The following SLC35F1 variants were observed in gnomAD, a reference collection of about 807,000 sequenced individuals.
SLC35F1 encodes chromosome 6 open reading frame 169.
Under a neutral mutation model 48.7 loss-of-function variants are expected in SLC35F1, and 14 were observed. That is an observed-to-expected ratio of 0.29 (90% confidence interval 0.19 to 0.45). The LOEUF (loss-of-function observed/expected upper bound fraction) is 0.45. Ranked by LOEUF, SLC35F1 falls within the 20% of genes least tolerant of loss-of-function variation. SLC35F1 has a pLI of 1.00. For missense variants in SLC35F1, 404 were observed against 500.0 expected, an observed-to-expected ratio of 0.81 and a Z score of 1.83; for synonymous variants, 190 against 202.2, an observed-to-expected ratio of 0.94 and a Z score of 0.51.
At chr6:118,032,034 A>C (rs1772061922) in intron 1 of SLC35F1, among the ~76,000 whole-genome samples, 1 of 152,192 alleles carries the variant, frequency 6.6e-6, no homozygotes, top group African/African-American at 2.4e-5. Flanking sequence ...TAAACAAAGC[A>C]TGAAGTTCTT....
At chr6:117,984,448 G>A (rs977039390) in intron 1 of SLC35F1, among the ~76,000 whole-genome samples, 4 of 146,864 alleles carry the variant, frequency 2.7e-5, no homozygotes, top group South Asian at 2.1e-4. Context: ...GTAGTGAGCC[G>A]AGATTGCGCC....
intron 1 of SLC35F1, among the ~76,000 whole-genome samples, chr6:117,959,310 G>A (rs542789372): frequency 6.6e-6 from 1 of 152,304 alleles, no homozygotes; most frequent in Non-Finnish European, 1.5e-5. Flanking sequence ...GACTGAGGCA[G>A]CCTCCTAGTT....
intron 1 of SLC35F1, among the ~76,000 whole-genome samples, chr6:117,998,140 A>G (rs1409314853): frequency 6.7e-6 from 1 of 150,136 alleles, no homozygotes; most frequent in Non-Finnish European, 1.5e-5. Flanking sequence ...CTCTGATAAA[A>G]CAGACTTTAA....
chr6:118,018,071 A>G (rs1272141349), intron 1 of SLC35F1, among the ~76,000 whole-genome samples: 2 of 152,152 alleles, frequency 1.3e-5, no homozygotes, highest in Non-Finnish European at 2.9e-5. Flanking sequence ...GTCTCTTACC[A>G]CTTAAAAATG....
chr6:118,253,012 A>G (rs771192741), intron 3 of SLC35F1, among the ~76,000 whole-genome samples: 2 of 152,150 alleles, frequency 1.3e-5, no homozygotes. Flanking sequence ...GCACATTCAC[A>G]TTAGATAAGT....
chr6:118,241,416 T>G (rs1305602207), intron 3 of SLC35F1, among the ~76,000 whole-genome samples: 1 of 152,204 alleles, frequency 6.6e-6, no homozygotes, highest in Non-Finnish European at 1.5e-5. Context: ...GTATATATAT[T>G]GCTGCAATTT....
chr6:118,239,713 C>T (rs765326740), intron 3 of SLC35F1, among the ~76,000 whole-genome samples: 1 of 151,944 alleles, frequency 6.6e-6, no homozygotes, highest in Non-Finnish European at 1.5e-5. Context: ...CATTTGACAC[C>T]CTATTTAATG....
intron 1 of SLC35F1, among the ~76,000 whole-genome samples, chr6:117,982,343 A>G (rs769794689): frequency 1.3e-5 from 2 of 152,200 alleles, no homozygotes; most frequent in Non-Finnish European, 2.9e-5. Context: ...ATGAAAGGAG[A>G]CCAAGAAGTC....
At chr6:118,199,712 C>A (rs961496643) in intron 2 of SLC35F1, among the ~76,000 whole-genome samples, 2 of 152,102 alleles carry the variant, frequency 1.3e-5, no homozygotes, top group African/African-American at 4.8e-5. Flanking sequence ...ATAATCAATG[C>A]ATTTCACCAG....
At chr6:118,256,630 T>A (rs767420088) in intron 3 of SLC35F1, among the ~76,000 whole-genome samples, 1 of 152,164 alleles carries the variant, frequency 6.6e-6, no homozygotes, top group Non-Finnish European at 1.5e-5. Flanking sequence ...AACCATCAGC[T>A]TCCCTTGAAA....
Position 118,087,064 on chromosome 6 carries a change from T to C in SLC35F1, c.174-67381T>C, listed in dbSNP as rs1582658600. Among the ~76,000 whole-genome samples, 9 of 152,312 alleles carry C rather than the reference T, an allele frequency of 5.9e-5. 1 individual carries two copies. In the South Asian group the frequency reaches 1.9e-3, roughly 32 times the overall value. Reference sequence around the variant, plus strand: ...GCTGGGGCCCTGTATTGCCTTGTTATGCTGCCCTAACAGCATGCCACAGAC... The same window carrying C: ...GCTGGGGCCCTGTATTGCCTTGTTACGCTGCCCTAACAGCATGCCACAGAC... On this transcript the variant is annotated intron_variant, in intron 1 of 7. Coordinates refer to ENST00000360388, the MANE Select transcript of SLC35F1 (RefSeq NM_001029858.4).
At chr6:117,950,815 A>C (rs2114827160) in intron 1 of SLC35F1, among the ~76,000 whole-genome samples, 1 of 152,348 alleles carries the variant, frequency 6.6e-6, no homozygotes, top group East Asian at 1.9e-4. Context: ...TGGAATTATA[A>C]TTCCTTAAAT....
At chr6:118,200,942 A>T (rs1369131915) in intron 2 of SLC35F1, among the ~76,000 whole-genome samples, 1 of 151,974 alleles carries the variant, frequency 6.6e-6, no homozygotes, top group Non-Finnish European at 1.5e-5. Context: ...CTGGAGTGCA[A>T]TGACGTGACG....
intron 1 of SLC35F1, among the ~76,000 whole-genome samples, chr6:117,969,801 A>C (rs978406245): frequency 2.8e-4 from 43 of 152,326 alleles, no homozygotes; most frequent in African/African-American, 1.0e-3. Context: ...TAGAATATAC[A>C]TAGCTATTGT....
intron 2 of SLC35F1, 148 bp downstream of exon 2, chr6:118,154,768 A>G: frequency 2.9e-6 from 2 of 686,502 alleles, no homozygotes; most frequent in Admixed American, 3.6e-5. Context: ...GTAATACAGT[A>G]AACAAAATGA....
At chr6:117,944,892 G>A (rs564629543) in intron 1 of SLC35F1, among the ~76,000 whole-genome samples, 8 of 152,050 alleles carry the variant, frequency 5.3e-5, no homozygotes, top group Non-Finnish European at 8.8e-5. Context: ...TTCCCAAATG[G>A]TCTGGATCTG....
In SLC35F1 at chr6:118,154,550, A is replaced by G; in HGVS notation, c.279A>G (p.Pro93=). The change falls in exon 2 of 8, where the codon CCA becomes CCG. Residue 93 remains proline (P), a synonymous_variant. Coordinates refer to ENST00000360388, the MANE Select transcript of SLC35F1 (RefSeq NM_001029858.4). The stretch of plus-strand genomic sequence containing the variant: ...CAGAAGATTTCCACGCCAACACACC[A>G]GTCTTCCAGAGTTTCCTCAATTACA... The part of the protein sequence containing the change: ...YLSEDFHANT[P]VFQSFLNYIL... The G allele has an allele frequency of 6.2e-7, 1 of 1,614,074 alleles. No homozygotes were observed. The highest frequency in any genetic ancestry group is 8.5e-7 in the Non-Finnish European group (1 of 1,179,936).
intron 2 of SLC35F1, among the ~76,000 whole-genome samples, chr6:118,195,511 T>G (rs940235224): frequency 6.6e-6 from 1 of 152,006 alleles, no homozygotes; most frequent in Admixed American, 6.6e-5. Flanking sequence ...CAATGATTTT[T>G]TTTTCCTACC....
intron 6 of SLC35F1, among the ~76,000 whole-genome samples, chr6:118,278,113 G>A (rs1490561043): frequency 6.6e-6 from 1 of 152,184 alleles, no homozygotes; most frequent in Non-Finnish European, 1.5e-5. Context: ...GACTTCTCAG[G>A]TTCCACCTGT....
Sources: gnomAD v4.1 joint callset for allele counts (sites outside exome capture counted in the v4.1 genomes callset) on GRCh38, gnomAD v4.1.1 for gene constraint, MANE v1.5 for transcripts, NCBI Gene and HGNC (gene_info 2026-07-23, HGNC 2026-07-21) for gene names.